SPATA16: variants seen among roughly 807,000 people sequenced by gnomAD.
SPATA16 encodes spermatogenesis associated 16.
A neutral mutation model predicts 63.3 loss-of-function variants in SPATA16; 36 were observed. The ratio of observed to expected loss-of-function variants is 0.57; its 90% CI spans 0.44 to 0.75. SPATA16 has a LOEUF of 0.75. SPATA16 is among the 30% of genes least tolerant of loss of function. SPATA16 has a pLI of 0.00. For missense variants in SPATA16, 646 were observed against 679.3 expected (o/e 0.95, Z 0.54); for synonymous variants, 203 against 216.7 (o/e 0.94, Z 0.56).
intron 5 of SPATA16, among the ~76,000 whole-genome samples, chr3:172,970,726 TA>T (rs2108246504): frequency 6.6e-6 from 1 of 152,270 alleles, no homozygotes; most frequent in Non-Finnish European, 1.5e-5. Flanking sequence ...GTTCAGATGG[TA>T]TTGCTATTTT....
intron 6 of SPATA16, among the ~76,000 whole-genome samples, chr3:172,948,312 C>G (rs964069501): frequency 1.3e-5 from 2 of 152,010 alleles, no homozygotes; most frequent in Admixed American, 1.3e-4. Context: ...ATAGGCCAGG[C>G]CGGAGTAGCA....
chr3:172,977,131 C>G, intron 4 of SPATA16, 79 bp from the exon 5 acceptor site: 1 of 1,086,190 alleles, frequency 9.2e-7, no homozygotes, highest in Non-Finnish European at 1.4e-6. Flanking sequence ...GCACTATATA[C>G]AAATACTGAG....
intron 6 of SPATA16, among the ~76,000 whole-genome samples, chr3:172,934,903 A>G (rs749349033): frequency 6.6e-6 from 1 of 152,122 alleles, no homozygotes; most frequent in East Asian, 1.9e-4. Context: ...ACAACTTTTA[A>G]TCTGTTTTAT....
At chr3:172,959,374 C>G (rs1424788493) in intron 5 of SPATA16, among the ~76,000 whole-genome samples, 1 of 152,172 alleles carries the variant, frequency 6.6e-6, no homozygotes, top group Non-Finnish European at 1.5e-5. Flanking sequence ...GCTTAATGCT[C>G]AAGGCATTGC....
At chr3:173,110,821 T>C (rs936407168) in intron 2 of SPATA16, among the ~76,000 whole-genome samples, 3 of 152,228 alleles carry the variant, frequency 2.0e-5, no homozygotes, top group African/African-American at 7.2e-5. Context: ...TGCTTACTGC[T>C]AATTTACTAG....
At chr3:172,952,545 A>T (rs1488681537) in intron 6 of SPATA16, among the ~76,000 whole-genome samples, 2 of 152,116 alleles carry the variant, frequency 1.3e-5, no homozygotes, top group African/African-American at 4.8e-5. Context: ...AGTGACATAT[A>T]TCACATCTGT....
intron 10 of SPATA16, among the ~76,000 whole-genome samples, chr3:172,907,124 T>G (rs1732258582): frequency 6.6e-6 from 1 of 152,186 alleles, no homozygotes; most frequent in Admixed American, 6.5e-5. Flanking sequence ...CAAGGGGACT[T>G]AGAATCATCC....
chr3:173,088,022 CTTTCTTTCTTT>C, intron 2 of SPATA16, among the ~76,000 whole-genome samples: 1 of 108,996 alleles, frequency 9.2e-6, no homozygotes, highest in Admixed American at 9.9e-5. Context: ...TTCTTTCTTT[CTTTCTTTCTTT>C]CTTTCTTTCT....
At chr3:172,972,062 G>A (rs1734058948) in intron 5 of SPATA16, among the ~76,000 whole-genome samples, 1 of 152,168 alleles carries the variant, frequency 6.6e-6, no homozygotes, top group Non-Finnish European at 1.5e-5. Flanking sequence ...TCCCTTGAGA[G>A]TAGGACTAAT....
At chr3:173,134,582 C>A (rs990375617) in intron 1 of SPATA16, among the ~76,000 whole-genome samples, 1 of 152,106 alleles carries the variant, frequency 6.6e-6, no homozygotes, top group Non-Finnish European at 1.5e-5. Context: ...TGCTTCTTTG[C>A]CACGTGGTAA....
Position 172,924,245 on chromosome 3 carries a change from A to G in SPATA16, c.1301T>C (p.Leu434Ser). Residue 434 changes from leucine (L) to serine (S), a missense_variant, in exon 8 of 11, where the codon TTG (leucine) becomes TCG (serine). Leu to Ser is a moderately radical substitution (Grantham distance 145). Coordinates refer to ENST00000351008, the MANE Select transcript of SPATA16 (RefSeq NM_031955.6). ...RQMETMGKRI[L>S]PILDFIRSTQ... ...GCTTCTAATAAAATCCAATATTGGC[A>G]AGATTCGCTTCCCCATTGTCTCCAT... 6.2e-7 allele frequency: 1 copy of G among 1,613,496 alleles called. No individual in the cohort carries two copies. Among genetic ancestry groups the G allele is most frequent in the Non-Finnish European group, 8.5e-7 (1 of 1,179,686 alleles).
At chr3:172,936,532 G>T (rs2109594268) in intron 6 of SPATA16, among the ~76,000 whole-genome samples, 1 of 152,122 alleles carries the variant, frequency 6.6e-6, no homozygotes, top group South Asian at 2.1e-4. Flanking sequence ...CACTGTTTTT[G>T]TTGCTCTTAT....
intron 1 of SPATA16, among the ~76,000 whole-genome samples, chr3:173,120,094 A>G (rs1245109120): frequency 6.6e-6 from 1 of 152,048 alleles, no homozygotes; most frequent in Non-Finnish European, 1.5e-5. Flanking sequence ...TCTCAAAAAA[A>G]AAAAAAAGAG....
intron 4 of SPATA16, among the ~76,000 whole-genome samples, chr3:173,000,668 T>C (rs1350359543): frequency 2.0e-5 from 3 of 152,020 alleles, no homozygotes; most frequent in Admixed American, 1.3e-4. Context: ...CCTTTACACA[T>C]ATGTGACATC....
At position 172,924,227 on chromosome 3, in the gene SPATA16, A is replaced by G. The variant is rs760766804; in HGVS notation, c.1319T>C (p.Ile440Thr). The change falls in exon 8 of 11, where the codon ATT becomes ACT. Residue 440 changes from isoleucine (I) to threonine (T), a missense_variant. By Grantham distance (89) the Ile-to-Thr change is moderately conservative. Transcript: ENST00000351008. ...GKRILPILDF[I>T]RSTQLNGSFP... ...ACCTACATTCAATTGGGTGCTTCTA[A>G]TAAAATCCAATATTGGCAAGATTCG... is the stretch of plus-strand genomic sequence containing the variant. 4.1e-5 allele frequency: 66 copies of G among 1,613,022 alleles called. No homozygotes were observed. Among genetic ancestry groups the G allele is most frequent in the Middle Eastern group, 1.6e-4 (1 of 6,078 alleles).
At chr3:172,907,418 C>T (rs1732266296) in intron 10 of SPATA16, among the ~76,000 whole-genome samples, 2 of 152,142 alleles carry the variant, frequency 1.3e-5, no homozygotes, top group South Asian at 4.1e-4. Context: ...TTGCCTTCTT[C>T]AATCTATTTC....
intron 2 of SPATA16, among the ~76,000 whole-genome samples, chr3:173,110,385 C>G (rs1299710509): frequency 6.6e-6 from 1 of 152,116 alleles, no homozygotes; most frequent in Non-Finnish European, 1.5e-5. Flanking sequence ...TACTTTGTCC[C>G]TTGCTTTGGT....
intron 2 of SPATA16, among the ~76,000 whole-genome samples, chr3:173,113,136 CA>C (rs1269673477): frequency 1.3e-5 from 2 of 152,068 alleles, no homozygotes; most frequent in African/African-American, 4.8e-5. Flanking sequence ...GCCTAATATG[CA>C]AATACAACTA....
At chr3:172,907,041 A>G (rs1271578391) in intron 10 of SPATA16, among the ~76,000 whole-genome samples, 1 of 152,158 alleles carries the variant, frequency 6.6e-6, no homozygotes, top group Non-Finnish European at 1.5e-5. Context: ...CCCTATTAAG[A>G]GCTCAGAAAA....
Sources: allele counts gnomAD v4.1 joint callset (sites outside exome capture counted in the v4.1 genomes callset), GRCh38; gene constraint gnomAD v4.1.1; transcripts MANE v1.5; gene names NCBI Gene and HGNC (gene_info 2026-07-23, HGNC 2026-07-21).